The following GOLM1 variants were observed in gnomAD, a reference collection of about 807,000 sequenced individuals.
The protein encoded by GOLM1 is golgi membrane protein 1, also known as epididymis luminal protein 46.
GOLM1 carries 31 observed loss-of-function variants against 50.5 expected under a neutral mutation model. That is an observed-to-expected ratio of 0.61 (90% CI 0.46 to 0.83). GOLM1 has a LOEUF of 0.83. GOLM1 is among the 40% of genes least tolerant of loss of function. GOLM1 has a pLI of 0.00. For synonymous variants in GOLM1, 178 were observed against 192.8 expected, an observed-to-expected ratio of 0.92 and a Z score of 0.64; for missense variants, 491 against 501.3, an observed-to-expected ratio of 0.98 and a Z score of 0.20.
intron 1 of GOLM1, among the ~76,000 whole-genome samples, chr9:86,096,453 C>T (rs770234034): frequency 1.3e-5 from 2 of 152,130 alleles, no homozygotes; most frequent in African/African-American, 2.4e-5. Context: ...AGTGTGGTCC[C>T]CATATTAGCA....
intron 5 of GOLM1, among the ~76,000 whole-genome samples, chr9:86,041,311 G>T (rs1035362957): frequency 6.6e-6 from 1 of 152,142 alleles, no homozygotes; most frequent in African/African-American, 2.4e-5. Context: ...GATAGTTTCA[G>T]GACAGAGGCT....
chr9:86,086,866 C>T (rs1396143894), intron 1 of GOLM1, among the ~76,000 whole-genome samples: 2 of 151,980 alleles, frequency 1.3e-5, no homozygotes, highest in Non-Finnish European at 2.9e-5. Flanking sequence ...CCTTGTGGTA[C>T]AGTTTGAAGT....
chr9:86,062,661 G>T (rs1265239119), intron 3 of GOLM1, among the ~76,000 whole-genome samples: 1 of 148,362 alleles, frequency 6.7e-6, no homozygotes, highest in African/African-American at 2.5e-5. Context: ...AGGGGTGGAG[G>T]GACAGAAAGG....
rs1382309984 is a variant in GOLM1 at position 86,099,490 on chromosome 9, C to G, written c.-101G>C. ...GCCCGGGTCGCTCTCCCGCCGCCGC[C>G]GGCCTCGAGCTCCGGCCGGCTCCGC... On this transcript the variant is annotated 5_prime_UTR_variant, in exon 1 of 10. Transcript: ENST00000388712. 1 of 149,928 alleles carries G rather than the reference C, an allele frequency of 6.7e-6. No homozygotes were observed. The highest frequency in any genetic ancestry group is 1.5e-5 in the Non-Finnish European group (1 of 67,434). 9.3% of individuals were successfully genotyped at this position (149,928 alleles called of 1,614,324 possible).
intron 3 of GOLM1, among the ~76,000 whole-genome samples, chr9:86,071,667 T>C (rs1402276730): frequency 6.6e-6 from 1 of 151,724 alleles, no homozygotes; most frequent in South Asian, 2.1e-4. Context: ...AGTGAGACTC[T>C]GTCTCAAAAA....
At chr9:86,092,724 A>G (rs1361269435) in intron 1 of GOLM1, among the ~76,000 whole-genome samples, 1 of 152,222 alleles carries the variant, frequency 6.6e-6, no homozygotes, top group Admixed American at 6.5e-5. Flanking sequence ...AGGACTGTAG[A>G]AACCCTTGCT....
chr9:86,077,308 T>G (rs1399532049), intron 3 of GOLM1, 104 bp downstream of exon 3: 1 of 900,158 alleles, frequency 1.1e-6, no homozygotes, highest in Non-Finnish European at 1.8e-6. Flanking sequence ...CATAATTACA[T>G]AAATCTAAAC....
chr9:86,094,987 G>A (rs187101637), intron 1 of GOLM1, among the ~76,000 whole-genome samples: 18 of 151,612 alleles, frequency 1.2e-4, no homozygotes, highest in African/African-American at 2.9e-4. Flanking sequence ...GGAGGCTGAC[G>A]CAGGAGAATC....
At chr9:86,056,672 A>AT (rs572675179) in intron 3 of GOLM1, among the ~76,000 whole-genome samples, 15 of 151,228 alleles carry the variant, frequency 9.9e-5, no homozygotes, top group African/African-American at 2.9e-4. Flanking sequence ...CGCCTGGCTA[A>AT]TTTTTTTTAT....
intron 3 of GOLM1, among the ~76,000 whole-genome samples, chr9:86,060,876 CAAAAAAAAAAAAAAAAAAAAA>C (rs753183065): frequency 1.3e-3 from 26 of 19,910 alleles, no homozygotes; most frequent in Admixed American, 5.7e-3. Context: ...GAAACTCTCT[CAAAAAAAAAAAAAAAAAAAAA>C]AAAAAAAAAA....
At chr9:86,070,974 G>A (rs955806006) in intron 3 of GOLM1, among the ~76,000 whole-genome samples, 5 of 151,970 alleles carry the variant, frequency 3.3e-5, no homozygotes, top group Admixed American at 6.6e-5. Flanking sequence ...GCTACTTAAC[G>A]TCCAGGTGTA....
intron 1 of GOLM1, among the ~76,000 whole-genome samples, chr9:86,090,960 T>C (rs977693354): frequency 1.3e-5 from 2 of 152,062 alleles, no homozygotes; most frequent in Non-Finnish European, 2.9e-5. Context: ...TGGGCCAGAG[T>C]GCACTGTCCC....
intron 1 of GOLM1, among the ~76,000 whole-genome samples, chr9:86,098,809 C>T (rs1008293727): frequency 6.6e-6 from 1 of 152,228 alleles, no homozygotes; most frequent in African/African-American, 2.4e-5. Context: ...CCCCGAGCAT[C>T]CACGAGAACG....
In GOLM1 at chr9:86,027,866, T is replaced by C. The variant is rs774977616; in HGVS notation, c.1157A>G (p.Asp386Gly). 1.2e-5 allele frequency: 20 copies of C among 1,608,622 alleles called. No individual in the cohort carries two copies. In the South Asian group the frequency reaches 2.1e-4, roughly 17 times the overall value. Reference protein sequence around the residue: ...DVFNVEDQKRDTINLLDQREK... With the variant: ...DVFNVEDQKRGTINLLDQREK... ...ACGCTGATCAAGTAAATTTATGGTG[T>C]CTCTTTTCTGATCTTCAACATTAAA... Residue 386 changes from aspartate to glycine, a missense_variant, in exon 10 of 10, where the codon GAC (aspartate) becomes GGC (glycine). Coordinates refer to ENST00000388712, the MANE Select transcript of GOLM1 (RefSeq NM_016548.4).
chr9:86,098,958 G>A (rs1835440232), intron 1 of GOLM1, among the ~76,000 whole-genome samples: 1 of 152,202 alleles, frequency 6.6e-6, no homozygotes, highest in Admixed American at 6.5e-5. Context: ...AAGAGGCGGC[G>A]GGAGCCGAGA....
At chr9:86,096,853 GTTTT>G (rs914203941) in intron 1 of GOLM1, among the ~76,000 whole-genome samples, 3 of 151,968 alleles carry the variant, frequency 2.0e-5, no homozygotes, top group African/African-American at 7.3e-5. Flanking sequence ...TGTTAAAAAA[GTTTT>G]TTTATTACTA....
chr9:86,080,978 G>C (rs920571038), intron 1 of GOLM1, among the ~76,000 whole-genome samples: 1 of 152,024 alleles, frequency 6.6e-6, no homozygotes, highest in African/African-American at 2.4e-5. Flanking sequence ...TCAAACTCTT[G>C]GGCTCAAATA....
At chr9:86,099,023 G>T (rs1587751769) in intron 1 of GOLM1, among the ~76,000 whole-genome samples, 1 of 152,344 alleles carries the variant, frequency 6.6e-6, no homozygotes, top group South Asian at 2.1e-4. Context: ...TGCAGAACTG[G>T]AACTAGTGCG....
chr9:86,039,471 CAT>C (rs1292878842), intron 6 of GOLM1, among the ~76,000 whole-genome samples: 1 of 152,170 alleles, frequency 6.6e-6, no homozygotes, highest in Non-Finnish European at 1.5e-5. Flanking sequence ...GAAATGAAAA[CAT>C]ATGACCACAC....
Sources: allele counts gnomAD v4.1 joint callset (sites outside exome capture counted in the v4.1 genomes callset), GRCh38; gene constraint gnomAD v4.1.1; transcripts MANE v1.5; gene names NCBI Gene and HGNC (gene_info 2026-07-23, HGNC 2026-07-21).